Variants in FSTL5 observed in about 807,000 individuals in gnomAD.
The protein encoded by FSTL5 is follistatin-related protein 5.
FSTL5 carries 62 observed loss-of-function variants against 89.1 expected under a neutral mutation model. That is an observed-to-expected ratio of 0.70 (90% CI 0.57 to 0.86). The LOEUF is 0.86. Among genes scored for constraint, FSTL5 ranks in the 40% least tolerant of loss-of-function variants. The pLI, the probability that FSTL5 is intolerant of heterozygous loss-of-function variation, is 0.00. For missense variants in FSTL5, 1,057 were observed against 1,001.6 expected (o/e 1.06, Z -0.75); for synonymous variants, 383 against 346.2 (o/e 1.11, Z -1.18).
At chr4:161,924,768 A>T (rs1430986004) in intron 3 of FSTL5, among the ~76,000 whole-genome samples, 1 of 151,866 alleles carries the variant, frequency 6.6e-6, no homozygotes, top group Non-Finnish European at 1.5e-5. Flanking sequence ...AGCAGGATTT[A>T]AAACAATAAT....
chr4:161,693,069 T>G (rs1478592865), intron 6 of FSTL5, among the ~76,000 whole-genome samples: 2 of 152,094 alleles, frequency 1.3e-5, no homozygotes, highest in Non-Finnish European at 2.9e-5. Context: ...TGTGACACAA[T>G]TTTTGTTTAT....
intron 3 of FSTL5, among the ~76,000 whole-genome samples, chr4:162,029,396 G>C (rs1165220232): frequency 2.6e-5 from 4 of 152,048 alleles, no homozygotes; most frequent in African/African-American, 9.7e-5. Context: ...TGAGCTTATA[G>C]AGGATTATAG....
At position 161,386,405 on chromosome 4, in the gene FSTL5, A is replaced by G. The variant is rs181527249; in HGVS notation, c.1886T>C (p.Ile629Thr). 124 of 1,613,404 alleles carry G rather than the reference A, an allele frequency of 7.7e-5. 4 individuals are homozygous for G. The South Asian group carries it at 9.0e-4, about 12-fold the overall frequency. Residue 629 changes from isoleucine (I) to threonine (T), a missense_variant, in exon 16 of 16, where the codon ATT (isoleucine) becomes ACT (threonine). Ile to Thr is a moderately conservative substitution (Grantham distance 89). Around this residue, in one of 3 missense-constraint regions of FSTL5, gnomAD observed 980 missense variants for 903.2 expected, o/e 1.08. Transcript: ENST00000306100. Reference protein sequence around the residue: ...LHKDEAALQKIDLETMSYIKT... With the variant: ...LHKDEAALQKTDLETMSYIKT... ...GATGTATGACATGGTTTCAAGATCAATTTTTTGTAGTGCAGCTTCATCTTT... is the reference window on the plus strand; with the variant it reads ...GATGTATGACATGGTTTCAAGATCAGTTTTTTGTAGTGCAGCTTCATCTTT...
chr4:162,108,052 A>G lies in FSTL5; in HGVS notation c.126+3219T>C, dbSNP rs542167167. Among the ~76,000 whole-genome samples, 289 of 152,238 alleles carry G rather than the reference A, an allele frequency of 1.9e-3. 3 individuals are homozygous for G. Among genetic ancestry groups the G allele is most frequent in the African/African-American group, 6.8e-3 (282 of 41,556 alleles). On this transcript the variant is annotated intron_variant, in intron 2 of 15. Coordinates refer to ENST00000306100, the MANE Select transcript of FSTL5 (RefSeq NM_020116.5). Reference sequence around the variant, plus strand: ...CCACTTTTGGAATTTGGATTTGGTAATTGTATTTTACAAATCTAGAGAGTG... The same window carrying G: ...CCACTTTTGGAATTTGGATTTGGTAGTTGTATTTTACAAATCTAGAGAGTG...
At chr4:161,759,261 G>T in intron 6 of FSTL5, 150 bp downstream of exon 6, 2 of 632,492 alleles carry the variant, frequency 3.2e-6, no homozygotes, top group Admixed American at 3.8e-5. Flanking sequence ...TTTTTCATAT[G>T]TTTCAATACA....
At chr4:161,603,392 A>G (rs555837150) in intron 7 of FSTL5, among the ~76,000 whole-genome samples, 1 of 152,272 alleles carries the variant, frequency 6.6e-6, no homozygotes, top group African/African-American at 2.4e-5. Context: ...TGGCTTTATA[A>G]CAAGAGGAAG....
At chr4:161,624,460 A>C (rs991568278) in intron 7 of FSTL5, among the ~76,000 whole-genome samples, 3 of 151,904 alleles carry the variant, frequency 2.0e-5, no homozygotes, top group Non-Finnish European at 4.4e-5. Context: ...CTAAACTTAC[A>C]ATTTGACAAT....
intron 15 of FSTL5, among the ~76,000 whole-genome samples, chr4:161,409,989 G>A (rs1283381976): frequency 2.6e-5 from 4 of 152,126 alleles, no homozygotes; most frequent in South Asian, 2.1e-4. Flanking sequence ...TCAAGAGACC[G>A]ATTTCACATC....
intron 1 of FSTL5, among the ~76,000 whole-genome samples, chr4:162,147,025 G>GC (rs928942356): frequency 2.0e-5 from 3 of 151,848 alleles, no homozygotes; most frequent in Non-Finnish European, 2.9e-5. Flanking sequence ...CAAGTGATCT[G>GC]CCCCCCTCGG....
rs181976159 is a variant in FSTL5, at chr4:161,423,970, C to T, written c.1841+31034G>A. ...TGCCTCCTGGGTTCAAGCTATTCTG[C>T]CTCAGCCTCCCAAGTAGTTGGGACT... On this transcript the variant is annotated intron_variant, in intron 15 of 15. Transcript: ENST00000306100. Among the ~76,000 whole-genome samples the T allele has an allele frequency of 2.0e-5, 3 of 151,020 alleles. No individual in the cohort carries two copies. The East Asian group carries it at 5.8e-4, about 29-fold the overall frequency.
chr4:161,502,197 T>C (rs1730315605), intron 11 of FSTL5, among the ~76,000 whole-genome samples: 1 of 151,952 alleles, frequency 6.6e-6, no homozygotes, highest in Non-Finnish European at 1.5e-5. Context: ...CTATGCATAC[T>C]TTTATTAGGT....
At chr4:161,931,150 T>C (rs75676159) in intron 3 of FSTL5, among the ~76,000 whole-genome samples, 3,024 of 151,784 alleles carry the variant, frequency 0.02, 98 homozygotes, top group African/African-American at 0.068. Context: ...AGGGGAGAGA[T>C]TATGATTATG....
chr4:161,923,935 C>A (rs1005771971), intron 3 of FSTL5, among the ~76,000 whole-genome samples: 3 of 151,662 alleles, frequency 2.0e-5, no homozygotes, highest in Admixed American at 6.6e-5. Context: ...ATATGCAATC[C>A]AAAGAAAGCT....
intron 6 of FSTL5, among the ~76,000 whole-genome samples, chr4:161,721,050 G>A (rs1287405332): frequency 1.3e-5 from 2 of 151,148 alleles, no homozygotes; most frequent in East Asian, 1.9e-4. Context: ...AGGCTGAGGC[G>A]GGTGGATCAT....
At chr4:161,407,462 T>G (rs1290063250) in intron 15 of FSTL5, among the ~76,000 whole-genome samples, 1 of 152,118 alleles carries the variant, frequency 6.6e-6, no homozygotes, top group Admixed American at 6.5e-5. Context: ...GCCTGAACAC[T>G]ATGGCTAGTT....
intron 6 of FSTL5, among the ~76,000 whole-genome samples, chr4:161,716,933 C>T (rs773376382): frequency 1.3e-5 from 2 of 152,132 alleles, no homozygotes; most frequent in Non-Finnish European, 2.9e-5. Flanking sequence ...GTAAAAATAT[C>T]TGTGTAGTAG....
intron 7 of FSTL5, among the ~76,000 whole-genome samples, chr4:161,655,253 T>A (rs1736475767): frequency 6.6e-6 from 1 of 152,046 alleles, no homozygotes; most frequent in South Asian, 2.1e-4. Context: ...CAGAGATGAT[T>A]AACCAAGAGT....
At chr4:161,640,258 A>T (rs1407647815) in intron 7 of FSTL5, among the ~76,000 whole-genome samples, 2 of 152,162 alleles carry the variant, frequency 1.3e-5, no homozygotes, top group Non-Finnish European at 2.9e-5. Context: ...TTCTTTAAAA[A>T]TTTAACATGT....
At chr4:161,952,739 A>T (rs1490193898) in intron 3 of FSTL5, among the ~76,000 whole-genome samples, 1 of 151,952 alleles carries the variant, frequency 6.6e-6, no homozygotes, top group Non-Finnish European at 1.5e-5. Context: ...GAATAAAATA[A>T]TGATTCGGGT....
Sources: allele counts gnomAD v4.1 joint callset (sites outside exome capture counted in the v4.1 genomes callset), GRCh38; gene constraint gnomAD v4.1.1; regional missense constraint gnomAD v4.1.1; transcripts MANE v1.5; gene names NCBI Gene and HGNC (gene_info 2026-07-23, HGNC 2026-07-21).